Variants in DIPK1B observed in about 807,000 individuals in gnomAD.
The protein encoded by DIPK1B is family with sequence similarity 69 member B.
In DIPK1B, 17 loss-of-function variants were observed where a neutral mutation model predicts 20.7. The observed-to-expected ratio is 0.82, with a 90% confidence interval of 0.56 to 1.23. The LOEUF (loss-of-function observed/expected upper bound fraction) is 1.23, where lower values mean the gene tolerates loss of function less well. Ranked by LOEUF, DIPK1B falls within the 50% of genes most tolerant of loss-of-function variation. The probability of loss-of-function intolerance (pLI) is 0.00; values close to 1 mark genes in which losing one functional copy is unlikely to be tolerated. For missense variants in DIPK1B, 648 were observed against 601.8 expected (o/e 1.08, Z -0.80); for synonymous variants, 343 against 276.5 (o/e 1.24, Z -2.39).
chr9:136,713,410 C>T (rs976153407), intron 1 of DIPK1B, among the ~76,000 whole-genome samples: 1 of 152,220 alleles, frequency 6.6e-6, no homozygotes, highest in Non-Finnish European at 1.5e-5. Flanking sequence ...TTGCCTGTAT[C>T]TCCCCGGCCC....
intron 2 of DIPK1B, among the ~76,000 whole-genome samples, chr9:136,719,470 C>G (rs1214572747): frequency 6.6e-6 from 1 of 152,314 alleles, no homozygotes; most frequent in Middle Eastern, 3.4e-3. Context: ...GCTGGCCCAG[C>G]GCACACAACG....
At chr9:136,715,320 G>C (rs1225686109) in intron 1 of DIPK1B, among the ~76,000 whole-genome samples, 1 of 152,182 alleles carries the variant, frequency 6.6e-6, no homozygotes, top group Non-Finnish European at 1.5e-5. Flanking sequence ...GTGGCATGCA[G>C]CTGTCCCTGG....
intron 4 of DIPK1B, chr9:136,722,579 C>T (rs535628868): frequency 1.1e-5 from 6 of 567,388 alleles, no homozygotes; most frequent in African/African-American, 1.9e-5. Context: ...GCAGGTGCCC[C>T]GAATGGAGAC....
rs1342635466 is a variant in DIPK1B, at chr9:136,717,570, C to G, written c.64-7C>G. ...GGCACCTCCTCACGCAGCCCCTTCC[C>G]CCACAGGGCCGGCTCCCAGGCCTCA... On this transcript the variant is annotated splice_polypyrimidine_tract_variant and splice_region_variant and intron_variant, in intron 1 of 4. Transcript: ENST00000371692. 1 of 1,597,672 alleles carries G rather than the reference C, an allele frequency of 6.3e-7. No individual in the cohort carries two copies. The highest frequency in any genetic ancestry group is 1.3e-5 in the African/African-American group (1 of 74,916).
At chr9:136,718,319 G>GC (rs1846534797) in intron 2 of DIPK1B, among the ~76,000 whole-genome samples, 1 of 152,066 alleles carries the variant, frequency 6.6e-6, no homozygotes, top group Non-Finnish European at 1.5e-5. Flanking sequence ...GGCCTCGCTA[G>GC]CCCCCCTGGG....
intron 2 of DIPK1B, chr9:136,721,123 T>C (rs923072393): frequency 3.3e-5 from 5 of 152,344 alleles, no homozygotes; most frequent in African/African-American, 1.2e-4. Context: ...CGCGGTGCCC[T>C]TCACGGGATG....
intron 2 of DIPK1B, 181 bp from the exon 3 acceptor site, chr9:136,721,740 C>T (rs936337260): frequency 1.8e-5 from 11 of 605,066 alleles, no homozygotes; most frequent in Admixed American, 3.0e-5. Context: ...CTGCAGCCGA[C>T]AGCCCCATCC....
In DIPK1B at chr9:136,723,769, T is replaced by A; in HGVS notation, c.1291T>A (p.Ser431Thr). 6.5e-7 allele frequency: 1 copy of A among 1,534,140 alleles called. No individual in the cohort carries two copies. The highest frequency in any genetic ancestry group is 8.7e-7 in the Non-Finnish European group (1 of 1,146,674). ...GAAGAAGATCTCCAACACCAAGTAC[T>A]CTTGATGGGGCAGTGAGGGGCCTGG... ...LWKKISNTKYS is the reference protein window; with the variant it reads ...LWKKISNTKYT Residue 431 changes from serine to threonine, a missense_variant, in exon 5 of 5, where the codon TCT becomes ACT. Coordinates refer to ENST00000371692, the MANE Select transcript of DIPK1B (RefSeq NM_152421.4).
chr9:136,718,890 C>T (rs1326194367), intron 2 of DIPK1B, among the ~76,000 whole-genome samples: 1 of 152,136 alleles, frequency 6.6e-6, no homozygotes, highest in East Asian at 1.9e-4. Flanking sequence ...GTGTGGGGTC[C>T]GGAGCTAGGA....
chr9:136,713,196 C>T (rs1846450661), intron 1 of DIPK1B, among the ~76,000 whole-genome samples: 2 of 152,278 alleles, frequency 1.3e-5, no homozygotes, highest in Admixed American at 1.3e-4. Flanking sequence ...ACCACCGTCC[C>T]CTCCAGGGGC....
At chr9:136,722,880 C>G in intron 4 of DIPK1B, 82 bp from the exon 5 acceptor site, 3 of 1,410,788 alleles carry the variant, frequency 2.1e-6, no homozygotes, top group Non-Finnish European at 2.8e-6. Context: ...ACCACCCCGC[C>G]AGGAGGACCA....
chr9:136,715,987 C>T (rs1177605028), intron 1 of DIPK1B, among the ~76,000 whole-genome samples: 1 of 152,192 alleles, frequency 6.6e-6, no homozygotes, highest in Non-Finnish European at 1.5e-5. Context: ...CCGCGGCTCC[C>T]TCTACTCTCC....
chr9:136,717,666 G>C lies in DIPK1B; in HGVS notation c.153G>C (p.Ser51=), dbSNP rs755605586. Residue 51 remains serine (S), a synonymous_variant, in exon 2 of 5, where the codon TCG becomes TCC. Coordinates refer to ENST00000371692, the MANE Select transcript of DIPK1B (RefSeq NM_152421.4). ...GCTGGCTGGTGTACGTGCACTACTC[G>C]TCCTACTCGGAGCGCTGTCGCGGCC... ...AGSWLVYVHY[S]SYSERCRGHV... 2.2e-5 allele frequency: 36 copies of C among 1,609,744 alleles called. No individual in the cohort carries two copies. The highest frequency in any genetic ancestry group is 3.3e-5 in the Admixed American group (2 of 60,012).
At position 136,723,284 on chromosome 9, in the gene DIPK1B, C is replaced by T. The variant is rs149938710; in HGVS notation, c.806C>T (p.Pro269Leu). The T allele has an allele frequency of 7.4e-6, 12 of 1,612,494 alleles. No individual in the cohort carries two copies. Among genetic ancestry groups the T allele is most frequent in the Non-Finnish European group, 9.3e-6 (11 of 1,179,802 alleles). ...CAGCAGTGGCTGGGGCCTGCGTGGC[C>T]TTGGCGGGCCAAGATCGCCATCGGC... ...ALQQWLGPAW[P>L]WRAKIAIGLL... Residue 269 changes from proline (P) to leucine (L), a missense_variant, in exon 5 of 5, where the codon CCT becomes CTT. Coordinates refer to ENST00000371692, the MANE Select transcript of DIPK1B (RefSeq NM_152421.4).
chr9:136,720,295 T>G (rs1219509982), intron 2 of DIPK1B, among the ~76,000 whole-genome samples: 1 of 152,190 alleles, frequency 6.6e-6, no homozygotes, highest in African/African-American at 2.4e-5. Context: ...GGCGGGGTCC[T>G]CGGCCTCCAG....
chr9:136,721,653 G>A (rs1389380792), intron 2 of DIPK1B: 8 of 470,428 alleles, frequency 1.7e-5, no homozygotes, highest in Non-Finnish European at 2.7e-5. Flanking sequence ...CCAGGCAGTG[G>A]CCTTTGCTGT....
intron 2 of DIPK1B, chr9:136,721,641 G>A: frequency 2.3e-6 from 1 of 441,112 alleles, no homozygotes. Flanking sequence ...TGTGTCTCAT[G>A]TCCAGGCAGT....
chr9:136,714,239 G>A (rs780789238), intron 1 of DIPK1B, among the ~76,000 whole-genome samples: 1 of 152,210 alleles, frequency 6.6e-6, no homozygotes, highest in Non-Finnish European at 1.5e-5. Flanking sequence ...TAATGGGAGG[G>A]TCACTTGAAG....
chr9:136,712,772 G>A lies in DIPK1B; in HGVS notation c.63+44G>A. 7.8e-7 allele frequency: 1 copy of A among 1,278,206 alleles called. No individual in the cohort carries two copies. Among genetic ancestry groups the A allele is most frequent in the Non-Finnish European group, 9.9e-7 (1 of 1,009,676 alleles). 79.2% of individuals were successfully genotyped at this position (1,278,206 alleles called of 1,614,324 possible). A position where few individuals can be genotyped will look rare whatever the true frequency, so the allele number is the denominator to read the frequency against. On this transcript the variant is annotated intron_variant, in intron 1 of 4. Coordinates refer to ENST00000371692, the MANE Select transcript of DIPK1B (RefSeq NM_152421.4). The surrounding 1 kb of genome is among the most constrained non-coding windows in gnomAD (Gnocchi z 5.6). ...CGCCGCCCCCGGCCGCCTCTGCCTG[G>A]GGAGGCCGAGCTCCAGCCCCGGAGT... is the stretch of plus-strand genomic sequence containing the variant.
Sources: gnomAD v4.1 joint callset for allele counts (sites outside exome capture counted in the v4.1 genomes callset) on GRCh38, gnomAD v4.1.1 for gene constraint, Gnocchi (gnomAD v3.1) non-coding constraint, MANE v1.5 for transcripts, NCBI Gene and HGNC (gene_info 2026-07-23, HGNC 2026-07-21) for gene names.